UNC79: variants seen among roughly 807,000 people sequenced by gnomAD.
The protein encoded by UNC79 is unc-79 subunit of NALCN channel complex, also known as protein unc-79 homolog.
UNC79 carries 37 observed loss-of-function variants against 283.1 expected under a neutral mutation model. That is an observed-to-expected ratio of 0.13 (90% CI 0.10 to 0.17). UNC79 has a LOEUF of 0.17. Among genes scored for constraint, UNC79 ranks in the 10% least tolerant of loss-of-function variants. The pLI is 1.00. For missense variants in UNC79, 2,272 were observed against 3,211.1 expected (o/e 0.71, Z 7.07); for synonymous variants, 1,107 against 1,200.2 (o/e 0.92, Z 1.61).
chr14:93,513,642 G>T (rs992366131), intron 7 of UNC79, among the ~76,000 whole-genome samples: 11 of 152,130 alleles, frequency 7.2e-5, no homozygotes, highest in Non-Finnish European at 5.9e-5. Flanking sequence ...TCACCTCAAG[G>T]ATTTATTATT....
chr14:93,655,273 A>G, exon 38 of UNC79: 1 of 1,614,112 alleles, frequency 6.2e-7, no homozygotes, highest in Non-Finnish European at 8.5e-7. Context: ...AGGGGGTGCT[A>G]TGATTCGCTG....
chr14:93,608,137 G>A (rs1466286358), intron 26 of UNC79, among the ~76,000 whole-genome samples: 1 of 152,134 alleles, frequency 6.6e-6, no homozygotes, highest in African/African-American at 2.4e-5. Flanking sequence ...TTGGATCAGA[G>A]GTGTGTGCCA....
chr14:93,591,797 T>C (rs1343790406), intron 22 of UNC79, among the ~76,000 whole-genome samples: 2 of 152,198 alleles, frequency 1.3e-5, no homozygotes, highest in African/African-American at 4.8e-5. Flanking sequence ...CTAAACACAA[T>C]GAAAAAGACG....
At chr14:93,518,015 G>A (rs1308384516) in intron 7 of UNC79, among the ~76,000 whole-genome samples, 1 of 151,822 alleles carries the variant, frequency 6.6e-6, no homozygotes, top group Admixed American at 6.6e-5. Context: ...AATTTTCTAA[G>A]TTAAGTGTTC....
intron 29 of UNC79, among the ~76,000 whole-genome samples, chr14:93,619,647 A>G (rs757234239): frequency 7.2e-5 from 11 of 152,206 alleles, no homozygotes; most frequent in African/African-American, 9.6e-5. Context: ...TAAAAAGTTT[A>G]GTATGGTTAT....
chr14:93,487,486 A>C (rs1224661042), intron 4 of UNC79, among the ~76,000 whole-genome samples, 177 bp from the exon 5 acceptor site: 2 of 152,178 alleles, frequency 1.3e-5, no homozygotes, highest in African/African-American at 4.8e-5. Flanking sequence ...TGGAGATGAC[A>C]ACTGTAGCAT....
intron 5 of UNC79, among the ~76,000 whole-genome samples, chr14:93,491,749 A>G (rs1031838753): frequency 1.3e-5 from 2 of 152,184 alleles, no homozygotes; most frequent in Non-Finnish European, 2.9e-5. Context: ...TTGGAGTTGA[A>G]TGTTGAGTTG....
At chr14:93,602,292 G>A (rs145551181) in intron 25 of UNC79, among the ~76,000 whole-genome samples, 4 of 152,176 alleles carry the variant, frequency 2.6e-5, no homozygotes, top group East Asian at 3.9e-4. Flanking sequence ...GGTGAGATAC[G>A]AGTATCCAGT....
At chr14:93,379,128 G>A (rs535066652) in intron 1 of UNC79, among the ~76,000 whole-genome samples, 1 of 152,116 alleles carries the variant, frequency 6.6e-6, no homozygotes, top group South Asian at 2.1e-4. Context: ...CTTTAAATCT[G>A]CAACTACTTC....
chr14:93,646,428 G>A (rs1480427088), intron 34 of UNC79, among the ~76,000 whole-genome samples, 180 bp from the exon 38 acceptor site: 1 of 152,112 alleles, frequency 6.6e-6, no homozygotes, highest in African/African-American at 2.4e-5. Flanking sequence ...CAAGGACTAG[G>A]TCAAGTTTAA....
intron 1 of UNC79, among the ~76,000 whole-genome samples, chr14:93,449,453 A>G (rs1053285798): frequency 1.3e-5 from 2 of 152,090 alleles, no homozygotes; most frequent in African/African-American, 2.4e-5. Flanking sequence ...AATGATTATC[A>G]AAAGTCATAA....
At chr14:93,573,118 T>G (rs994418319) in intron 16 of UNC79, among the ~76,000 whole-genome samples, 4 of 152,240 alleles carry the variant, frequency 2.6e-5, no homozygotes, top group Non-Finnish European at 5.9e-5. Context: ...CTTGTGGGAT[T>G]CTGATAAATC....
chr14:93,557,017 T>C (rs373203442), intron 14 of UNC79, among the ~76,000 whole-genome samples: 64 of 152,252 alleles, frequency 4.2e-4, no homozygotes, highest in African/African-American at 1.5e-3. Context: ...TCAAGGTGAG[T>C]GGCAGAGTGC....
At chr14:93,402,973 A>G (rs1217055334) in intron 1 of UNC79, among the ~76,000 whole-genome samples, 1 of 152,186 alleles carries the variant, frequency 6.6e-6, no homozygotes, top group Admixed American at 6.5e-5. Context: ...TGAGACATCA[A>G]TTAATATGTG....
At chr14:93,641,356 TG>T in intron 33 of UNC79, 109 bp downstream of exon 36, 2 of 1,081,480 alleles carry the variant, frequency 1.8e-6, no homozygotes, top group Non-Finnish European at 2.7e-6. Context: ...AGTCATAATT[TG>T]TTCCTCCAGT....
chr14:93,451,374 A>G (rs2056635981), intron 1 of UNC79, among the ~76,000 whole-genome samples: 1 of 152,090 alleles, frequency 6.6e-6, no homozygotes, highest in Non-Finnish European at 1.5e-5. Context: ...AGGAAGGAGA[A>G]AAAAAAAGAG....
intron 41 of UNC79, among the ~76,000 whole-genome samples, chr14:93,678,049 C>G (rs1596330740): frequency 1.3e-5 from 2 of 152,182 alleles, no homozygotes; most frequent in Non-Finnish European, 1.5e-5. Flanking sequence ...ACAGCCTACT[C>G]TCTGGAAGCT....
intron 7 of UNC79, among the ~76,000 whole-genome samples, chr14:93,501,379 TTTAC>T (rs1244180056): frequency 1.3e-5 from 2 of 149,962 alleles, no homozygotes. Context: ...AAAAGGAAAA[TTTAC>T]TTATAGAAAA....
chr14:93,442,298 T>G (rs2056328303), intron 1 of UNC79, among the ~76,000 whole-genome samples: 1 of 152,194 alleles, frequency 6.6e-6, no homozygotes, highest in Non-Finnish European at 1.5e-5. Flanking sequence ...GTTTGGCATT[T>G]TCTCTTGAGA....
Sources: gnomAD v4.1 joint callset for allele counts (sites outside exome capture counted in the v4.1 genomes callset) on GRCh38, gnomAD v4.1.1 for gene constraint, MANE v1.5 for transcripts, NCBI Gene and HGNC (gene_info 2026-07-23, HGNC 2026-07-21) for gene names.